PTPRD: variants seen among roughly 807,000 people sequenced by gnomAD.
The protein encoded by PTPRD is receptor-type tyrosine-protein phosphatase delta.
Under a neutral mutation model 214.5 loss-of-function variants are expected in PTPRD, and 34 were observed. The ratio of observed to expected loss-of-function variants is 0.16; its 90% CI spans 0.12 to 0.21. The LOEUF is 0.21. Among genes scored for constraint, PTPRD ranks in the 10% least tolerant of loss-of-function variants. The pLI is 1.00. For missense variants in PTPRD, 2,545 were observed against 2,398.7 expected (o/e 1.06, Z -1.27); for synonymous variants, 1,128 against 845.7 (o/e 1.33, Z -5.79).
chr9:9,152,148 C>A (rs1014854760), intron 10 of PTPRD, among the ~76,000 whole-genome samples: 9 of 152,170 alleles, frequency 5.9e-5, no homozygotes, highest in Admixed American at 5.9e-4. Flanking sequence ...TTCACCCTTG[C>A]ACATTTGCAT....
intron 5 of PTPRD, among the ~76,000 whole-genome samples, chr9:9,933,880 C>G (rs1010612441): frequency 3.4e-5 from 5 of 148,750 alleles, no homozygotes; most frequent in African/African-American, 5.2e-5. Flanking sequence ...CAAACTATCT[C>G]TCAGACCACA....
intron 2 of PTPRD, among the ~76,000 whole-genome samples, chr9:10,355,778 G>A (rs994217845): frequency 2.0e-5 from 3 of 151,794 alleles, no homozygotes; most frequent in Admixed American, 6.6e-5. Flanking sequence ...GCGGCCGGCC[G>A]CTGCTATATT....
At chr9:10,051,685 G>C (rs2097538286) in intron 3 of PTPRD, among the ~76,000 whole-genome samples, 1 of 151,838 alleles carries the variant, frequency 6.6e-6, no homozygotes, top group Non-Finnish European at 1.5e-5. Context: ...CCACCTGTGA[G>C]TGAGAACATT....
intron 12 of PTPRD, among the ~76,000 whole-genome samples, chr9:8,676,567 T>G (rs1053033367): frequency 2.6e-5 from 4 of 151,394 alleles, no homozygotes; most frequent in Non-Finnish European, 5.9e-5. Flanking sequence ...GTGGGTTTCT[T>G]TTTTTGTTTT....
At chr9:8,751,188 CTT>C (rs2093485820) in intron 11 of PTPRD, among the ~76,000 whole-genome samples, 1 of 152,126 alleles carries the variant, frequency 6.6e-6, no homozygotes, top group Non-Finnish European at 1.5e-5. Flanking sequence ...AATCAAATGA[CTT>C]TTTTTCTCCC....
intron 5 of PTPRD, among the ~76,000 whole-genome samples, chr9:9,805,100 T>C (rs1477662960): frequency 1.3e-5 from 2 of 152,064 alleles, no homozygotes; most frequent in Admixed American, 6.6e-5. Context: ...ATAAATACCA[T>C]AGTAGCTTGG....
At chr9:10,147,587 C>T (rs1450967885) in intron 3 of PTPRD, among the ~76,000 whole-genome samples, 2 of 152,014 alleles carry the variant, frequency 1.3e-5, no homozygotes, top group Admixed American at 1.3e-4. Context: ...GATGCAAAAG[C>T]TACATTTGCT....
intron 2 of PTPRD, among the ~76,000 whole-genome samples, chr9:10,554,794 G>A (rs1241340105): frequency 1.3e-5 from 2 of 152,008 alleles, no homozygotes; most frequent in Admixed American, 6.6e-5. Flanking sequence ...CCGAGTAGCT[G>A]GGACTACAGG....
chr9:9,724,970 TA>T (rs1362315283), intron 7 of PTPRD, among the ~76,000 whole-genome samples: 1 of 152,136 alleles, frequency 6.6e-6, no homozygotes, highest in Non-Finnish European at 1.5e-5. Context: ...TCGCAGAGTT[TA>T]TTTGGTGTCC....
intron 35 of PTPRD, among the ~76,000 whole-genome samples, chr9:8,424,797 G>T (rs543085621): frequency 6.6e-6 from 1 of 152,184 alleles, no homozygotes; most frequent in African/African-American, 2.4e-5. Context: ...GCCACTGGTT[G>T]AAGTTTAGAG....
intron 8 of PTPRD, among the ~76,000 whole-genome samples, chr9:9,539,515 G>A (rs1289464370): frequency 3.3e-5 from 5 of 151,840 alleles, no homozygotes; most frequent in Non-Finnish European, 7.4e-5. Flanking sequence ...ATTCTTCTTA[G>A]AGTCCTAGTT....
At chr9:10,062,212 A>C (rs180692683) in intron 3 of PTPRD, among the ~76,000 whole-genome samples, 43 of 152,208 alleles carry the variant, frequency 2.8e-4, no homozygotes, top group Non-Finnish European at 4.1e-4. Flanking sequence ...TGCTGAAATA[A>C]ATTTACATAA....
chr9:10,190,587 G>A (rs1340053916), intron 3 of PTPRD, among the ~76,000 whole-genome samples: 25 of 150,824 alleles, frequency 1.7e-4, no homozygotes, highest in Admixed American at 1.7e-3. Flanking sequence ...GTGTGATGGT[G>A]GGCGCCTGTA....
At chr9:9,001,103 T>G (rs933180983) in intron 11 of PTPRD, among the ~76,000 whole-genome samples, 2 of 151,954 alleles carry the variant, frequency 1.3e-5, no homozygotes, top group Non-Finnish European at 2.9e-5. Context: ...GGGAATTAAT[T>G]AAAAAAGGCA....
chr9:9,400,591 C>A (rs2069967148), intron 8 of PTPRD, among the ~76,000 whole-genome samples: 1 of 151,974 alleles, frequency 6.6e-6, no homozygotes, highest in East Asian at 1.9e-4. Context: ...CCACCCCCTA[C>A]AGAATTTTGA....
chr9:9,909,428 C>T (rs779894409), intron 5 of PTPRD, among the ~76,000 whole-genome samples: 2 of 146,876 alleles, frequency 1.4e-5, no homozygotes, highest in Non-Finnish European at 3.0e-5. Context: ...ATTTACATAT[C>T]TGTATAAATG....
chr9:9,483,587 G>T (rs1181543506), intron 8 of PTPRD, among the ~76,000 whole-genome samples: 1 of 151,994 alleles, frequency 6.6e-6, no homozygotes, highest in Non-Finnish European at 1.5e-5. Flanking sequence ...TTGGGAGATG[G>T]AGAGAAAAAC....
At chr9:8,971,889 G>C (rs2099240756) in intron 11 of PTPRD, among the ~76,000 whole-genome samples, 1 of 151,688 alleles carries the variant, frequency 6.6e-6, no homozygotes, top group Non-Finnish European at 1.5e-5. Flanking sequence ...GCAAGTGGCA[G>C]AGCTAGGATA....
At chr9:9,915,913 G>A (rs1015663231) in intron 5 of PTPRD, among the ~76,000 whole-genome samples, 9 of 151,976 alleles carry the variant, frequency 5.9e-5, no homozygotes, top group Non-Finnish European at 7.4e-5. Context: ...ACTCCAAGGC[G>A]CATTATAGTC....
Sources: allele counts gnomAD v4.1 joint callset (sites outside exome capture counted in the v4.1 genomes callset), GRCh38; gene constraint gnomAD v4.1.1; transcripts MANE v1.5; gene names NCBI Gene and HGNC (gene_info 2026-07-23, HGNC 2026-07-21).